Variants in MYLK observed in about 807,000 individuals in gnomAD.
The protein encoded by MYLK is myosin light chain kinase, smooth muscle.
In MYLK, 106 loss-of-function variants were observed where a neutral mutation model predicts 203.4. The ratio of observed to expected loss-of-function variants is 0.52; its 90% confidence interval spans 0.45 to 0.61. The LOEUF (loss-of-function observed/expected upper bound fraction) is 0.61, where lower values mean the gene tolerates loss of function less well. MYLK is among the 20% of genes least tolerant of loss of function. The pLI, the probability that MYLK is intolerant of heterozygous loss-of-function variation, is 0.00. For missense variants in MYLK, 2,072 were observed against 2,442.3 expected, an observed-to-expected ratio of 0.85 and a Z score of 3.20; for synonymous variants, 867 against 959.5, an observed-to-expected ratio of 0.90 and a Z score of 1.78.
intron 13 of MYLK, among the ~76,000 whole-genome samples, chr3:123,721,342 A>G (rs144518472): frequency 0.037 from 5,482 of 147,954 alleles, 300 homozygotes; most frequent in African/African-American, 0.13. Flanking sequence ...AGCCGGGGGC[A>G]TAGGCTCAGG....
chr3:123,753,720 T>C (rs2063278029), intron 4 of MYLK, among the ~76,000 whole-genome samples: 1 of 152,200 alleles, frequency 6.6e-6, no homozygotes, highest in Non-Finnish European at 1.5e-5. Flanking sequence ...TTTGGAGGAT[T>C]AGGGTTCAGA....
In MYLK at chr3:123,752,400, C is replaced by G. The variant is rs1345796517; in HGVS notation, c.304G>C (p.Gly102Arg). Reference protein sequence around the residue: ...VIHAVHEEDRGKYTCEATNGS... With the variant: ...VIHAVHEEDRRKYTCEATNGS... ...TTGGTGGCTTCACAGGTATACTTTC[C>G]CCTGTCCTCCTCATGGACAGCATGA... Residue 102 changes from glycine (G) to arginine (R), a missense_variant, in exon 5 of 34, where the codon GGA becomes CGA. By Grantham distance (125) the Gly-to-Arg change is moderately radical. Coordinates refer to ENST00000360304, the MANE Select transcript of MYLK (RefSeq NM_053025.4). 41 of 1,614,062 alleles carry G rather than the reference C, an allele frequency of 2.5e-5. No individual in the cohort carries two copies. Among genetic ancestry groups the G allele is most frequent in the Non-Finnish European group, 3.3e-5 (39 of 1,180,032 alleles).
chr3:123,672,408 T>C (rs1373175588), intron 20 of MYLK, among the ~76,000 whole-genome samples: 1 of 151,988 alleles, frequency 6.6e-6, no homozygotes, highest in East Asian at 1.9e-4. Flanking sequence ...TCAATTTCTG[T>C]GGTTAAGCTA....
chr3:123,682,107 C>A, intron 20 of MYLK, 117 bp downstream of exon 20: 1 of 803,590 alleles, frequency 1.2e-6, no homozygotes, highest in Non-Finnish European at 2.1e-6. Context: ...CATCAGACTT[C>A]CAGGGATTCA....
chr3:123,685,680 T>C (rs1029224701), intron 19 of MYLK, among the ~76,000 whole-genome samples: 1 of 151,048 alleles, frequency 6.6e-6, no homozygotes, highest in East Asian at 1.9e-4. Flanking sequence ...ATAGCCACAT[T>C]CCCTTACCTC....
At chr3:123,617,568 A>G (rs573683414) in intron 33 of MYLK, 8 of 152,360 alleles carry the variant, frequency 5.3e-5, no homozygotes, top group African/African-American at 1.9e-4. Context: ...CTCAAAAGGC[A>G]TTGTCTAGTC....
intron 29 of MYLK, among the ~76,000 whole-genome samples, chr3:123,633,976 C>T (rs565560500): frequency 6.6e-6 from 1 of 152,208 alleles, no homozygotes; most frequent in Non-Finnish European, 1.5e-5. Context: ...CACTACTGCA[C>T]CTGGCTTCTG....
Position 123,629,622 on chromosome 3 carries a change from T to C in MYLK, c.4966A>G (p.Ser1656Gly), listed in dbSNP as rs1484638843. The part of the protein sequence containing the change: ...SIGVICYILV[S>G]GLSPFMGDND... Reference sequence around the variant, plus strand: ...TCTCCCATGAAGGGGGAAAGGCCACTGACTCTGGAGAGACAAGAGCAGGAC... The same window carrying C: ...TCTCCCATGAAGGGGGAAAGGCCACCGACTCTGGAGAGACAAGAGCAGGAC... Residue 1656 changes from serine (S) to glycine (G), a missense_variant, in exon 30 of 34, where the codon AGT (serine) becomes GGT (glycine). Ser to Gly is a moderately conservative substitution (Grantham distance 56). Coordinates refer to ENST00000360304, the MANE Select transcript of MYLK (RefSeq NM_053025.4). The surrounding 1 kb of genome is among the most constrained non-coding windows in gnomAD (Gnocchi z 4.4). 3 of 1,613,734 alleles carry C rather than the reference T, an allele frequency of 1.9e-6. No homozygotes were observed. Among genetic ancestry groups the C allele is most frequent in the Non-Finnish European group, 2.5e-6 (3 of 1,180,024 alleles).
rs2057259307 is a variant in MYLK at position 123,612,040 on chromosome 3, A to G, written c.*2065T>C. The G allele has an allele frequency of 6.6e-6, 1 of 152,388 alleles. No homozygotes were observed. Among genetic ancestry groups the G allele is most frequent in the Non-Finnish European group, 1.5e-5 (1 of 68,096 alleles). The allele number at this position is 152,388 out of a possible 1,614,324, so 9.4% of individuals were successfully genotyped here. A position where few individuals can be genotyped will look rare whatever the true frequency, so the allele number is the denominator to read the frequency against. On this transcript the variant is annotated 3_prime_UTR_variant, in exon 34 of 34. Transcript: ENST00000360304. ...AGGCTACTTACCGGGGGTTGGGGAC[A>G]CCTGCTCTATAAGATATCCTTCTAG...
intron 13 of MYLK, among the ~76,000 whole-genome samples, chr3:123,719,979 C>T (rs1171864755): frequency 1.3e-5 from 2 of 152,194 alleles, no homozygotes; most frequent in Admixed American, 1.3e-4. Flanking sequence ...CTGTGCCAGG[C>T]TCACCCTGCT....
chr3:123,876,600 A>G lies in MYLK; in HGVS notation c.-168T>C, dbSNP rs776701314. On this transcript the variant is annotated 5_prime_UTR_variant, in exon 2 of 34. Coordinates refer to ENST00000360304, the MANE Select transcript of MYLK (RefSeq NM_053025.4). ...CAGCTGGCCCGAATTGGTTTCTGTT[A>G]ATTTTGAAGAATCCTTCCTAATACA... 3.3e-5 allele frequency: 5 copies of G among 152,156 alleles called. No individual in the cohort carries two copies. Among genetic ancestry groups the G allele is most frequent in the Non-Finnish European group, 7.4e-5 (5 of 68,010 alleles). 9.4% of individuals were successfully genotyped at this position (152,156 alleles called of 1,614,324 possible).
intron 5 of MYLK, among the ~76,000 whole-genome samples, chr3:123,740,824 G>A (rs144340170): frequency 2.6e-4 from 39 of 152,370 alleles, no homozygotes; most frequent in African/African-American, 8.7e-4. Context: ...CCTACTGGGC[G>A]CTGCTGATCC....
At chr3:123,737,233 A>AG in intron 8 of MYLK, 145 bp downstream of exon 8, 1 of 953,956 alleles carries the variant, frequency 1.0e-6, no homozygotes, top group Non-Finnish European at 1.6e-6. Context: ...GAAAAAAAAA[A>AG]AAAAGACCTG....
chr3:123,649,434 C>T (rs1576429669), intron 24 of MYLK, among the ~76,000 whole-genome samples: 1 of 152,312 alleles, frequency 6.6e-6, no homozygotes, highest in East Asian at 1.9e-4. Context: ...CCAGGTCTCC[C>T]CTCTGTCCCA....
intron 22 of MYLK, 37 bp downstream of exon 22, chr3:123,666,182 C>G: frequency 8.1e-6 from 13 of 1,614,128 alleles, no homozygotes; most frequent in Non-Finnish European, 1.0e-5. Context: ...CGGATTATTC[C>G]CAGCACCCCC....
intron 5 of MYLK, among the ~76,000 whole-genome samples, chr3:123,740,552 C>A (rs1242519028): frequency 1.3e-5 from 2 of 152,254 alleles, no homozygotes; most frequent in African/African-American, 4.8e-5. Flanking sequence ...GAGAGCAGGA[C>A]AGGTCACTGC....
chr3:123,793,232 C>T (rs971322554), intron 4 of MYLK, among the ~76,000 whole-genome samples: 17 of 152,176 alleles, frequency 1.1e-4, no homozygotes, highest in African/African-American at 4.1e-4. Flanking sequence ...TATCACTGCT[C>T]CGGGTATACC....
chr3:123,861,796 T>G (rs1489673418), intron 2 of MYLK, among the ~76,000 whole-genome samples: 1 of 152,198 alleles, frequency 6.6e-6, no homozygotes, highest in African/African-American at 2.4e-5. Context: ...TGGACTGGAC[T>G]CAAAATGTCA....
intron 2 of MYLK, among the ~76,000 whole-genome samples, chr3:123,864,065 A>G (rs114164152): frequency 0.012 from 1,806 of 152,332 alleles, 38 homozygotes; most frequent in African/African-American, 0.041. Context: ...AATCTCAAAA[A>G]CAGGCCAAAT....
Sources: gnomAD v4.1 joint callset for allele counts (sites outside exome capture counted in the v4.1 genomes callset) on GRCh38, gnomAD v4.1.1 for gene constraint, Gnocchi (gnomAD v3.1) non-coding constraint, MANE v1.5 for transcripts, NCBI Gene and HGNC (gene_info 2026-07-23, HGNC 2026-07-21) for gene names.